KCNIP1: variants seen among roughly 807,000 people sequenced by gnomAD.
KCNIP1 encodes the protein A-type potassium channel modulatory protein KCNIP1.
Under a neutral mutation model 33.0 loss-of-function variants are expected in KCNIP1, and 18 were observed. The observed-to-expected ratio is 0.55, with a 90% CI of 0.38 to 0.81. The LOEUF (loss-of-function observed/expected upper bound fraction) is 0.81, where lower values mean the gene tolerates loss of function less well. Ranked by LOEUF, KCNIP1 falls within the 30% of genes least tolerant of loss-of-function variation. The pLI, the probability that KCNIP1 is intolerant of heterozygous loss-of-function variation, is 0.00. For missense variants in KCNIP1, 238 were observed against 271.6 expected (o/e 0.88, Z 0.87); for synonymous variants, 93 against 98.3 (o/e 0.95, Z 0.32).
At chr5:170,390,511 A>ATAT (rs1260106149) in intron 1 of KCNIP1, among the ~76,000 whole-genome samples, 17 of 62,304 alleles carry the variant, frequency 2.7e-4, no homozygotes, top group African/African-American at 6.4e-4. Flanking sequence ...TCAAAAAAAA[A>ATAT]AAACAAATAT....
chr5:170,604,145 G>T (rs545199825), intron 1 of KCNIP1, among the ~76,000 whole-genome samples: 19 of 152,288 alleles, frequency 1.2e-4, no homozygotes, highest in Non-Finnish European at 2.4e-4. Context: ...TGTCTGACTT[G>T]CCCAACAGGT....
chr5:170,688,833 A>G (rs941695333), intron 1 of KCNIP1, among the ~76,000 whole-genome samples: 2 of 152,160 alleles, frequency 1.3e-5, no homozygotes, highest in Non-Finnish European at 2.9e-5. Context: ...ACCATTTACT[A>G]CAAAATGGGC....
At chr5:170,429,665 C>T (rs1479489027) in intron 1 of KCNIP1, among the ~76,000 whole-genome samples, 1 of 152,200 alleles carries the variant, frequency 6.6e-6, no homozygotes, top group Non-Finnish European at 1.5e-5. Context: ...CCACTCTCTA[C>T]ATCCATGTAT....
intron 1 of KCNIP1, among the ~76,000 whole-genome samples, chr5:170,629,473 A>C (rs1231286500): frequency 6.6e-6 from 1 of 152,206 alleles, no homozygotes; most frequent in Non-Finnish European, 1.5e-5. Context: ...CCCTGGGGCC[A>C]AGGCCTGCAG....
At chr5:170,471,864 AACTT>A (rs1272404783) in intron 1 of KCNIP1, among the ~76,000 whole-genome samples, 4 of 152,324 alleles carry the variant, frequency 2.6e-5, no homozygotes, top group African/African-American at 7.2e-5. Flanking sequence ...ATTTTAATAA[AACTT>A]AATTATTAAG....
intron 1 of KCNIP1, among the ~76,000 whole-genome samples, chr5:170,493,870 ACT>A (rs775613709): frequency 6.6e-6 from 1 of 151,836 alleles, no homozygotes; most frequent in East Asian, 1.9e-4. Flanking sequence ...TGCATACTCC[ACT>A]CTCTCTCCAC....
intron 1 of KCNIP1, chr5:170,681,314 T>A: frequency 5.1e-6 from 2 of 391,438 alleles, no homozygotes; most frequent in Non-Finnish European, 9.0e-6. Flanking sequence ...TGAAACAGCG[T>A]GGTATTGGTC....
chr5:170,421,012 TG>T (rs1755474863), intron 1 of KCNIP1, among the ~76,000 whole-genome samples: 1 of 152,062 alleles, frequency 6.6e-6, no homozygotes, highest in African/African-American at 2.4e-5. Context: ...TGCCATCTGG[TG>T]GACAGATGTT....
intron 1 of KCNIP1, among the ~76,000 whole-genome samples, chr5:170,441,090 G>GACAC (rs1231386432): frequency 3.9e-5 from 6 of 152,226 alleles, no homozygotes; most frequent in Non-Finnish European, 7.3e-5. Context: ...GCTCAGGTGT[G>GACAC]TAAGAAACAT....
At chr5:170,383,789 G>A (rs1408674038) in intron 1 of KCNIP1, 1 of 1,614,076 alleles carries the variant, frequency 6.2e-7, no homozygotes, top group Non-Finnish European at 8.5e-7. Flanking sequence ...TTGCCCTTCA[G>A]CTCCTCCTGG....
At chr5:170,573,458 AAAATTTTTCATC>A (rs1218976967) in intron 1 of KCNIP1, among the ~76,000 whole-genome samples, 2 of 150,690 alleles carry the variant, frequency 1.3e-5, no homozygotes, top group Non-Finnish European at 2.9e-5. Context: ...TACAAAATTT[AAAATTTTTCATC>A]AAATAATAAT....
chr5:170,722,514 C>T (rs200323725), intron 4 of KCNIP1, among the ~76,000 whole-genome samples, 199 bp from the exon 5 acceptor site: 1 of 147,672 alleles, frequency 6.8e-6, no homozygotes, highest in Non-Finnish European at 1.5e-5. Flanking sequence ...GGGCACCTTG[C>T]AAAAAAAAAC....
intron 1 of KCNIP1, among the ~76,000 whole-genome samples, chr5:170,685,459 C>A (rs1367410465): frequency 1.3e-5 from 2 of 149,858 alleles, no homozygotes; most frequent in Non-Finnish European, 3.0e-5. Flanking sequence ...ACCAGAATAT[C>A]TTGTATTTTG....
At chr5:170,672,474 A>T (rs1761962762) in intron 1 of KCNIP1, among the ~76,000 whole-genome samples, 1 of 152,246 alleles carries the variant, frequency 6.6e-6, no homozygotes, top group Non-Finnish European at 1.5e-5. Context: ...CTTCCAAAGG[A>T]TGTTCAGTGT....
chr5:170,382,855 C>T (rs1340970130), intron 1 of KCNIP1: 1 of 152,370 alleles, frequency 6.6e-6, no homozygotes, highest in East Asian at 1.9e-4. Flanking sequence ...CATGCATGAG[C>T]TCTCTCCTCT....
Position 170,489,092 on chromosome 5 carries a change from G to A in KCNIP1, c.88+135128G>A, listed in dbSNP as rs139140601. On this transcript the variant is annotated intron_variant, in intron 1 of 7. Transcript: ENST00000377360. The surrounding 1 kb of genome is among the most constrained non-coding windows in gnomAD (Gnocchi z 4.3). ...AGAGGAAGGATGTGCCTTCTCCCCC[G>A]GAGGCCAGAGGGCAGGAGACCAGCC... Among the ~76,000 whole-genome samples the A allele has an allele frequency of 4.0e-3, 610 of 152,258 alleles. 3 individuals are homozygous for A. Among genetic ancestry groups the A allele is most frequent in the African/African-American group, 0.014 (569 of 41,546 alleles).
At chr5:170,395,649 G>T (rs1437492063) in intron 1 of KCNIP1, among the ~76,000 whole-genome samples, 1 of 152,208 alleles carries the variant, frequency 6.6e-6, no homozygotes. Flanking sequence ...GGTGGATAGA[G>T]ATGGCAACAT....
At chr5:170,556,540 T>C (rs1180789222) in intron 1 of KCNIP1, among the ~76,000 whole-genome samples, 1 of 151,462 alleles carries the variant, frequency 6.6e-6, no homozygotes, top group Non-Finnish European at 1.5e-5. Flanking sequence ...AGGTGGGGGG[T>C]GGGAGCCGAT....
At chr5:170,547,450 G>A (rs1184425631) in intron 1 of KCNIP1, among the ~76,000 whole-genome samples, 1 of 152,106 alleles carries the variant, frequency 6.6e-6, no homozygotes, top group African/African-American at 2.4e-5. Flanking sequence ...TGTCATGGGG[G>A]TTTGTTGAAC....
Sources: allele counts gnomAD v4.1 joint callset (sites outside exome capture counted in the v4.1 genomes callset), GRCh38; gene constraint gnomAD v4.1.1; non-coding constraint Gnocchi (gnomAD v3.1); transcripts MANE v1.5; gene names NCBI Gene and HGNC (gene_info 2026-07-23, HGNC 2026-07-21).